Variants in SHISA9 observed in about 807,000 individuals in gnomAD.
SHISA9 encodes the protein shisa family member 9.
Under a neutral mutation model 38.0 loss-of-function variants are expected in SHISA9, and 13 were observed. The ratio of observed to expected loss-of-function variants is 0.34; its 90% CI spans 0.22 to 0.54. The LOEUF is 0.54. Among genes scored for constraint, SHISA9 ranks in the 20% least tolerant of loss-of-function variants. The pLI is 0.91. For synonymous variants in SHISA9, 275 were observed against 242.0 expected (o/e 1.14, Z -1.27); for missense variants, 538 against 575.8 (o/e 0.93, Z 0.67).
chr16:13,153,061 T>TA (rs2050513397), intron 2 of SHISA9, among the ~76,000 whole-genome samples: 1 of 152,150 alleles, frequency 6.6e-6, no homozygotes. Context: ...TGCCAGTCCC[T>TA]AGAGGCTGCA....
chr16:13,543,035 T>C, the SHISA9 span, among the ~76,000 whole-genome samples: 1 of 152,218 alleles, frequency 6.6e-6, no homozygotes, highest in Non-Finnish European at 1.5e-5. Context: ...GCATACTGAT[T>C]TCCAACGTTT....
At chr16:13,399,762 T>C in the SHISA9 span, among the ~76,000 whole-genome samples, 1 of 152,222 alleles carries the variant, frequency 6.6e-6, no homozygotes, top group South Asian at 2.1e-4. Context: ...GGGATCTGGT[T>C]ACAATTCAGT....
the SHISA9 span, among the ~76,000 whole-genome samples, chr16:13,360,205 G>A: frequency 3.3e-5 from 5 of 152,206 alleles, no homozygotes; most frequent in Non-Finnish European, 5.9e-5. Context: ...GTTAGTGCAA[G>A]ACCACTCAGA....
rs565360333 is a variant in SHISA9 at position 13,178,231 on chromosome 16, G to T, written c.692-25163G>T. Among the ~76,000 whole-genome samples the T allele has an allele frequency of 4.6e-5, 7 of 152,206 alleles. No homozygotes were observed. The East Asian group carries it at 1.4e-3, about 29-fold the overall frequency. ...AGCTACAAGGATGGGTCAGGTGCAC[G>T]TGTGGAGAGAGAAGTAATCTAGAAT... On this transcript the variant is annotated intron_variant, in intron 2 of 4. Transcript: ENST00000558583.
At chr16:13,226,022 C>T (rs995178092) in intron 4 of SHISA9, among the ~76,000 whole-genome samples, 4 of 152,104 alleles carry the variant, frequency 2.6e-5, no homozygotes, top group African/African-American at 4.8e-5. Context: ...CACGAGGTAC[C>T]GGGGCTGATT....
chr16:12,995,602 T>G (rs1317601506), intron 2 of SHISA9, among the ~76,000 whole-genome samples: 1 of 152,198 alleles, frequency 6.6e-6, no homozygotes, highest in Non-Finnish European at 1.5e-5. Flanking sequence ...AGAAAGGATG[T>G]GCTCGGATTC....
At chr16:12,946,419 G>A (rs1239602356) in intron 2 of SHISA9, among the ~76,000 whole-genome samples, 2 of 152,218 alleles carry the variant, frequency 1.3e-5, no homozygotes, top group Non-Finnish European at 1.5e-5. Context: ...TTTCCTAGAA[G>A]CAAAGCCTGA....
At chr16:13,416,974 T>C in the SHISA9 span, among the ~76,000 whole-genome samples, 2 of 152,158 alleles carry the variant, frequency 1.3e-5, no homozygotes, top group Non-Finnish European at 2.9e-5. Flanking sequence ...AAATTACCTC[T>C]GGAAGAAAAC....
At chr16:12,970,327 A>G (rs1211837213) in intron 2 of SHISA9, among the ~76,000 whole-genome samples, 2 of 43,580 alleles carry the variant, frequency 4.6e-5, no homozygotes, top group Admixed American at 5.5e-4. Context: ...GTATATATAC[A>G]TATATATATA....
At chr16:13,461,770 C>A in the SHISA9 span, among the ~76,000 whole-genome samples, 460 of 151,358 alleles carry the variant, frequency 3.0e-3, 4 homozygotes, top group African/African-American at 0.011. Context: ...CCCGCCACCA[C>A]GCCCAGCTAA....
intron 4 of SHISA9, among the ~76,000 whole-genome samples, chr16:13,224,202 G>A (rs114234317): frequency 0.023 from 3,529 of 152,286 alleles, 53 homozygotes; most frequent in Non-Finnish European, 0.029. Context: ...GGAAGTCCCT[G>A]TCTCTACTCA....
intron 2 of SHISA9, among the ~76,000 whole-genome samples, chr16:13,061,823 C>T (rs554386503): frequency 1.4e-4 from 21 of 152,268 alleles, no homozygotes; most frequent in African/African-American, 5.1e-4. Context: ...TTGGGCCTCT[C>T]TGAGGAGGCA....
At chr16:12,936,159 G>C (rs920710827) in intron 2 of SHISA9, among the ~76,000 whole-genome samples, 2 of 152,098 alleles carry the variant, frequency 1.3e-5, no homozygotes, top group African/African-American at 2.4e-5. Context: ...TTGGGATGAC[G>C]GGTGAGAAAG....
chr16:13,247,653 T>G, the SHISA9 span, among the ~76,000 whole-genome samples: 1 of 152,238 alleles, frequency 6.6e-6, no homozygotes, highest in African/African-American at 2.4e-5. Flanking sequence ...TCTCACTTAT[T>G]TTCTTGTCAG....
At chr16:13,308,948 G>A in the SHISA9 span, among the ~76,000 whole-genome samples, 1,266 of 152,286 alleles carry the variant, frequency 8.3e-3, 18 homozygotes, top group African/African-American at 0.029. Context: ...AGAATAGTTA[G>A]TTATGAAGAA....
At chr16:12,949,567 T>C (rs913251021) in intron 2 of SHISA9, among the ~76,000 whole-genome samples, 1 of 152,144 alleles carries the variant, frequency 6.6e-6, no homozygotes, top group Admixed American at 6.5e-5. Context: ...AAGTGGAAAA[T>C]ACACACTGGA....
At chr16:13,074,470 C>T (rs1418519805) in intron 2 of SHISA9, among the ~76,000 whole-genome samples, 2 of 152,094 alleles carry the variant, frequency 1.3e-5, no homozygotes, top group East Asian at 1.9e-4. Flanking sequence ...ATGGTGGTTT[C>T]TATGCACACT....
intron 2 of SHISA9, among the ~76,000 whole-genome samples, chr16:13,059,694 C>T (rs572647686): frequency 6.6e-6 from 1 of 152,238 alleles, no homozygotes; most frequent in Non-Finnish European, 1.5e-5. Context: ...AAGAGTCTAT[C>T]TGCAAATAAT....
intron 2 of SHISA9, among the ~76,000 whole-genome samples, chr16:13,081,290 T>G (rs1254177356): frequency 2.0e-5 from 3 of 152,150 alleles, no homozygotes; most frequent in South Asian, 4.1e-4. Context: ...TGGTCTAGAT[T>G]GAGACCCAAA....
Sources: allele counts gnomAD v4.1 joint callset (sites outside exome capture counted in the v4.1 genomes callset), GRCh38; gene constraint gnomAD v4.1.1; transcripts MANE v1.5; gene names NCBI Gene and HGNC (gene_info 2026-07-23, HGNC 2026-07-21).